Variants in DHCR24 observed in about 807,000 individuals in gnomAD.
DHCR24 encodes 24-dehydrocholesterol reductase, also known as delta(24)-sterol reductase.
In DHCR24, 28 loss-of-function variants were observed where a neutral mutation model predicts 61.2. The ratio of observed to expected loss-of-function variants is 0.46; its 90% CI spans 0.34 to 0.63. DHCR24 has a LOEUF of 0.63. Ranked by LOEUF, DHCR24 falls within the 20% of genes least tolerant of loss-of-function variation. DHCR24 has a pLI of 0.01. For synonymous variants in DHCR24, 261 were observed against 275.9 expected, an observed-to-expected ratio of 0.95 and a Z score of 0.54; for missense variants, 538 against 679.1, an observed-to-expected ratio of 0.79 and a Z score of 2.31.
At chr1:54,863,074 CAAAAAAAAA>C (rs5774200) in intron 6 of DHCR24, among the ~76,000 whole-genome samples, 1 of 61,406 alleles carries the variant, frequency 1.6e-5, no homozygotes, top group Non-Finnish European at 3.5e-5. Context: ...GACTCTGCCT[CAAAAAAAAA>C]AAAAAAAAAA....
At position 54,852,222 on chromosome 1, in the gene DHCR24, C is replaced by A. The variant is rs1343279232; in HGVS notation, c.*11G>T. 1.2e-6 allele frequency: 2 copies of A among 1,613,972 alleles called. No homozygotes were observed. The highest frequency in any genetic ancestry group is 1.3e-5 in the African/African-American group (1 of 74,926). On this transcript the variant is annotated 3_prime_UTR_variant, in exon 9 of 9. Transcript: ENST00000371269. Reference sequence around the variant, plus strand: ...ACTCACACGTGTCTGTCTCTCCAGGCGGGCTCCAGCTCAGTGCCTGGCGGC... The same window carrying A: ...ACTCACACGTGTCTGTCTCTCCAGGAGGGCTCCAGCTCAGTGCCTGGCGGC...
intron 3 of DHCR24, 104 bp from the exon 4 acceptor site, chr1:54,875,315 C>CTAGCA: frequency 1.0e-6 from 1 of 977,286 alleles, no homozygotes; most frequent in African/African-American, 1.6e-5. Flanking sequence ...GTTTGGCAGG[C>CTAGCA]TAGCAGAAAT....
At chr1:54,882,981 TA>T (rs951124090) in intron 2 of DHCR24, among the ~76,000 whole-genome samples, 5 of 151,756 alleles carry the variant, frequency 3.3e-5, no homozygotes, top group Non-Finnish European at 7.4e-5. Context: ...ATAAAGCTAT[TA>T]AAAAAAATGG....
At position 54,876,171 on chromosome 1, in the gene DHCR24, C is replaced by T. The variant is rs149313590; in HGVS notation, c.388-124G>A. ...ACTCACTGCAGGGATTCCTATATAG[C>T]CTTTACAGGCTCTTTCTAGAACATT... On this transcript the variant is annotated intron_variant, in intron 2 of 8. Coordinates refer to ENST00000371269, the MANE Select transcript of DHCR24 (RefSeq NM_014762.4). 1,719 of 738,672 alleles carry T rather than the reference C, an allele frequency of 2.3e-3. 23 individuals carry two copies. The African/African-American group carries it at 0.024, about 10-fold the overall frequency. 45.8% of individuals were successfully genotyped at this position (738,672 alleles called of 1,614,324 possible). A position where few individuals can be genotyped will look rare whatever the true frequency, so the allele number is the denominator to read the frequency against.
chr1:54,875,340 A>T (rs1480130301), intron 3 of DHCR24, 129 bp from the exon 4 acceptor site: 1 of 798,524 alleles, frequency 1.3e-6, no homozygotes, highest in Non-Finnish European at 2.2e-6. Flanking sequence ...CTGTTGACTT[A>T]GGGGAGATTT....
At chr1:54,884,887 A>G (rs1264270304) in intron 1 of DHCR24, among the ~76,000 whole-genome samples, 1 of 152,196 alleles carries the variant, frequency 6.6e-6, no homozygotes, top group Non-Finnish European at 1.5e-5. Flanking sequence ...GAGGCTCCAG[A>G]GAATGAAGTC....
chr1:54,877,619 G>A (rs974996663), intron 2 of DHCR24, among the ~76,000 whole-genome samples: 1 of 151,792 alleles, frequency 6.6e-6, no homozygotes, highest in African/African-American at 2.4e-5. Context: ...TTAAAAAAAG[G>A]TGAGCTCTAG....
rs182355624 is a variant in DHCR24 at position 54,880,817 on chromosome 1, T to G, written c.387+2801A>C. Among the ~76,000 whole-genome samples, 252 of 150,170 alleles carry G rather than the reference T, an allele frequency of 1.7e-3. 1 individual carries two copies. Among genetic ancestry groups the G allele is most frequent in the Admixed American group, 6.3e-3 (95 of 15,076 alleles). ...AAACAAACAAACAAAACCCCCACAA[T>G]GCATAAAAGAAGAAATTAACAAATT... On this transcript the variant is annotated intron_variant, in intron 2 of 8. Transcript: ENST00000371269.
intron 3 of DHCR24, 88 bp from the exon 4 acceptor site, chr1:54,875,299 AG>A: frequency 8.5e-7 from 1 of 1,170,586 alleles, no homozygotes. Flanking sequence ...TCCTAGCATG[AG>A]GGAGGTTTGG....
chr1:54,852,644 C>T (rs1196303064), intron 8 of DHCR24, among the ~76,000 whole-genome samples: 1 of 152,138 alleles, frequency 6.6e-6, no homozygotes, highest in Non-Finnish European at 1.5e-5. Context: ...GGCTTCTGCC[C>T]CTCTGCTTGG....
chr1:54,854,272 A>G (rs1268507663), intron 6 of DHCR24, 38 bp from the exon 7 acceptor site: 2 of 1,584,046 alleles, frequency 1.3e-6, no homozygotes, highest in African/African-American at 2.7e-5. Context: ...GAAAAAAACC[A>G]ACAAGGGTTG....
chr1:54,886,292 G>A (rs77275526), intron 1 of DHCR24, among the ~76,000 whole-genome samples: 9,417 of 152,234 alleles, frequency 0.062, 360 homozygotes, highest in Admixed American at 0.12. Context: ...AGGCTGTGAG[G>A]TTCTTCCCTC....
chr1:54,879,788 A>G (rs1647055409), intron 2 of DHCR24, among the ~76,000 whole-genome samples: 1 of 152,224 alleles, frequency 6.6e-6, no homozygotes, highest in Non-Finnish European at 1.5e-5. Flanking sequence ...ATCAAAAGGG[A>G]AATCAAAGTA....
chr1:54,863,140 CG>C (rs1553120942), intron 6 of DHCR24, among the ~76,000 whole-genome samples: 1 of 150,696 alleles, frequency 6.6e-6, no homozygotes, highest in Non-Finnish European at 1.5e-5. Context: ...ATCACATCCA[CG>C]GCCAATCTGT....
At chr1:54,856,601 CA>C (rs544819364) in intron 6 of DHCR24, among the ~76,000 whole-genome samples, 13 of 138,420 alleles carry the variant, frequency 9.4e-5, no homozygotes, top group Admixed American at 2.2e-4. Flanking sequence ...GACTCCGTCT[CA>C]AAAAAAAAAA....
chr1:54,851,931 T>C lies in DHCR24; in HGVS notation c.*302A>G, dbSNP rs533523008. 1 of 442,530 alleles carries C rather than the reference T, an allele frequency of 2.3e-6. No individual in the cohort carries two copies. The highest frequency in any genetic ancestry group is 3.5e-5 in the Admixed American group (1 of 28,328). 27.4% of individuals were successfully genotyped at this position (442,530 alleles called of 1,614,324 possible). A position where few individuals can be genotyped will look rare whatever the true frequency, so the allele number is the denominator to read the frequency against. On this transcript the variant is annotated 3_prime_UTR_variant, in exon 9 of 9. Transcript: ENST00000371269. ...AACAACCTGCAAGTAGGTATTACTA[T>C]CCCTTTCAACTAATGAAGAGACCCG...
intron 6 of DHCR24, among the ~76,000 whole-genome samples, chr1:54,858,781 C>A (rs944876735): frequency 6.6e-6 from 1 of 152,262 alleles, no homozygotes; most frequent in Non-Finnish European, 1.5e-5. Context: ...AGATTACAGG[C>A]ATGCACCACC....
intron 5 of DHCR24, among the ~76,000 whole-genome samples, chr1:54,869,611 A>C (rs1247369919): frequency 6.6e-6 from 1 of 152,160 alleles, no homozygotes; most frequent in Non-Finnish European, 1.5e-5. Flanking sequence ...ACACAGAGAA[A>C]TAGGTCTCGG....
At chr1:54,853,365 C>T in intron 8 of DHCR24, 69 bp downstream of exon 8, 2 of 1,596,976 alleles carry the variant, frequency 1.3e-6, no homozygotes, top group Non-Finnish European at 1.7e-6. Flanking sequence ...TAGAGCTGGC[C>T]TCATTCCCCT....
Sources: allele counts gnomAD v4.1 joint callset (sites outside exome capture counted in the v4.1 genomes callset), GRCh38; gene constraint gnomAD v4.1.1; transcripts MANE v1.5; gene names NCBI Gene and HGNC (gene_info 2026-07-23, HGNC 2026-07-21).